Variants in XYLT1 observed in about 807,000 individuals in gnomAD.
The protein encoded by XYLT1 is beta-D-xylosyltransferase 1.
In XYLT1, 36 loss-of-function variants were observed where a neutral mutation model predicts 91.3. The observed-to-expected ratio is 0.39, with a 90% confidence interval of 0.30 to 0.52. The LOEUF is 0.52. XYLT1 is among the 20% of genes least tolerant of loss of function. The probability of loss-of-function intolerance (pLI) is 0.68; values close to 1 mark genes in which losing one functional copy is unlikely to be tolerated. For missense variants in XYLT1, 1,242 were observed against 1,284.5 expected (o/e 0.97, Z 0.51); for synonymous variants, 588 against 532.0 (o/e 1.11, Z -1.45).
chr16:17,401,157 G>C (rs1157124006), intron 1 of XYLT1, among the ~76,000 whole-genome samples: 1 of 152,200 alleles, frequency 6.6e-6, no homozygotes, highest in African/African-American at 2.4e-5. Flanking sequence ...GCTTGCAAGG[G>C]AGATGATAGC....
intron 2 of XYLT1, among the ~76,000 whole-genome samples, chr16:17,269,566 AG>A: frequency 6.6e-6 from 1 of 152,288 alleles, no homozygotes; most frequent in South Asian, 2.1e-4. Context: ...AGAAAACTCA[AG>A]GCTGCCAAAA....
chr16:17,269,100 T>G (rs2033850113), intron 2 of XYLT1, among the ~76,000 whole-genome samples: 1 of 152,222 alleles, frequency 6.6e-6, no homozygotes, highest in Admixed American at 6.5e-5. Flanking sequence ...CTCTGCCCCC[T>G]TTTTCTACTG....
At chr16:17,237,671 C>T (rs537255563) in intron 3 of XYLT1, among the ~76,000 whole-genome samples, 4 of 152,328 alleles carry the variant, frequency 2.6e-5, no homozygotes, top group Admixed American at 6.5e-5. Context: ...AGCGTTTCTA[C>T]AGGATGCTCC....
intron 1 of XYLT1, among the ~76,000 whole-genome samples, chr16:17,415,709 A>C (rs374110500): frequency 1.2e-3 from 187 of 152,228 alleles, no homozygotes; most frequent in South Asian, 5.6e-3. Context: ...GGAAAAAAAA[A>C]CCCACAGAAA....
chr16:17,179,061 CCT>C (rs1000601114), intron 5 of XYLT1, among the ~76,000 whole-genome samples: 1 of 150,106 alleles, frequency 6.7e-6, no homozygotes, highest in African/African-American at 2.5e-5. Context: ...AGAATGAGAC[CCT>C]GTCTCAAAAA....
At chr16:17,340,360 C>G (rs991168816) in intron 2 of XYLT1, among the ~76,000 whole-genome samples, 1 of 152,268 alleles carries the variant, frequency 6.6e-6, no homozygotes, top group Non-Finnish European at 1.5e-5. Flanking sequence ...CTGTCTTTCA[C>G]AGGCTGAACA....
chr16:17,288,533 T>A (rs1203078567), intron 2 of XYLT1, among the ~76,000 whole-genome samples: 1 of 152,186 alleles, frequency 6.6e-6, no homozygotes, highest in Admixed American at 6.5e-5. Flanking sequence ...ATGCTTGCCC[T>A]TGGCAATGTG....
intron 1 of XYLT1, among the ~76,000 whole-genome samples, chr16:17,360,204 C>T (rs939488328): frequency 1.3e-5 from 2 of 152,218 alleles, no homozygotes; most frequent in Non-Finnish European, 2.9e-5. Context: ...TTAAGCTGTA[C>T]TTCACAGACC....
chr16:17,404,743 TTGGGC>T (rs61601050), intron 1 of XYLT1, among the ~76,000 whole-genome samples: 27,966 of 116,614 alleles, frequency 0.24, 2,891 homozygotes, highest in Middle Eastern at 0.35. Context: ...CAAGACCAGT[TTGGGC>T]ATATATTGAG....
At chr16:17,428,721 T>A (rs959529435) in intron 1 of XYLT1, among the ~76,000 whole-genome samples, 1 of 152,210 alleles carries the variant, frequency 6.6e-6, no homozygotes, top group Non-Finnish European at 1.5e-5. Flanking sequence ...TTCGGCCGTG[T>A]GGTAGTTTTC....
At chr16:17,305,497 C>T (rs530781296) in intron 2 of XYLT1, among the ~76,000 whole-genome samples, 2 of 150,546 alleles carry the variant, frequency 1.3e-5, no homozygotes, top group Non-Finnish European at 1.5e-5. Context: ...CTCACTGAAA[C>T]CTCCGCCTCC....
At chr16:17,432,450 A>G (rs917864779) in intron 1 of XYLT1, among the ~76,000 whole-genome samples, 5 of 152,148 alleles carry the variant, frequency 3.3e-5, no homozygotes, top group Admixed American at 1.3e-4. Flanking sequence ...AAAACCACAT[A>G]CTGCATGCTT....
chr16:17,409,217 GA>G (rs1249079356), intron 1 of XYLT1, among the ~76,000 whole-genome samples: 87 of 152,290 alleles, frequency 5.7e-4, no homozygotes, highest in African/African-American at 2.0e-3. Flanking sequence ...GTTCTATTTT[GA>G]AGTTTACTGG....
chr16:17,283,661 C>T (rs1345458203), intron 2 of XYLT1, among the ~76,000 whole-genome samples: 1 of 152,310 alleles, frequency 6.6e-6, no homozygotes, highest in East Asian at 1.9e-4. Flanking sequence ...AGGGCTCCAA[C>T]GGCTTTGCTC....
At chr16:17,451,355 C>T (rs148630366) in intron 1 of XYLT1, among the ~76,000 whole-genome samples, 7 of 152,264 alleles carry the variant, frequency 4.6e-5, no homozygotes, top group African/African-American at 1.7e-4. Context: ...CCATGCCGGA[C>T]TATCTTCTCT....
chr16:17,182,415 G>A (rs2032092191), intron 5 of XYLT1, among the ~76,000 whole-genome samples: 1 of 152,114 alleles, frequency 6.6e-6, no homozygotes, highest in Non-Finnish European at 1.5e-5. Context: ...TATAAAGAAG[G>A]ACACTCCTTC....
At chr16:17,391,811 T>C (rs982325061) in intron 1 of XYLT1, among the ~76,000 whole-genome samples, 3 of 152,166 alleles carry the variant, frequency 2.0e-5, no homozygotes, top group Non-Finnish European at 4.4e-5. Flanking sequence ...CCCCCCATAC[T>C]GTTCTCATGG....
At chr16:17,134,056 C>T (rs1249079985) in intron 9 of XYLT1, among the ~76,000 whole-genome samples, 10 of 152,112 alleles carry the variant, frequency 6.6e-5, no homozygotes, top group Admixed American at 4.6e-4. Flanking sequence ...AGATCAGCCC[C>T]GAGTTGGAAA....
At chr16:17,282,427 A>C (rs1010955082) in intron 2 of XYLT1, among the ~76,000 whole-genome samples, 11 of 152,194 alleles carry the variant, frequency 7.2e-5, no homozygotes, top group Admixed American at 1.3e-4. Flanking sequence ...ATTTTTAGAA[A>C]TTATTTCCGA....
Sources: allele counts gnomAD v4.1 joint callset (sites outside exome capture counted in the v4.1 genomes callset), GRCh38; gene constraint gnomAD v4.1.1; transcripts MANE v1.5; gene names NCBI Gene and HGNC (gene_info 2026-07-23, HGNC 2026-07-21).